Variants in FAM78B observed in about 807,000 individuals in gnomAD.
FAM78B encodes protein FAM78B.
FAM78B carries 10 observed loss-of-function variants against 20.0 expected under a neutral mutation model. That is an observed-to-expected ratio of 0.50 (90% CI 0.31 to 0.85). FAM78B has a LOEUF of 0.85. Among genes scored for constraint, FAM78B ranks in the 40% least tolerant of loss-of-function variants. FAM78B has a pLI of 0.05. For synonymous variants in FAM78B, 135 were observed against 132.8 expected (o/e 1.02, Z -0.12); for missense variants, 283 against 345.0 (o/e 0.82, Z 1.42).
intron 1 of FAM78B, among the ~76,000 whole-genome samples, chr1:166,150,954 A>G (rs1026387890): frequency 3.3e-5 from 5 of 152,130 alleles, no homozygotes; most frequent in Non-Finnish European, 7.3e-5. Context: ...ATTAAAATAT[A>G]TAATAGAGGT....
chr1:166,112,540 T>C (rs1428001244), intron 1 of FAM78B, among the ~76,000 whole-genome samples: 3 of 152,132 alleles, frequency 2.0e-5, no homozygotes, highest in Non-Finnish European at 4.4e-5. Flanking sequence ...AAGATACTAA[T>C]TCTTGGATTC....
intron 1 of FAM78B, among the ~76,000 whole-genome samples, chr1:166,079,085 C>T (rs535812881): frequency 2.0e-5 from 3 of 152,222 alleles, no homozygotes; most frequent in South Asian, 2.1e-4. Flanking sequence ...GCATGCACCA[C>T]CATGCCCAGC....
rs192022404 is a variant in FAM78B, at chr1:166,138,474, C to A, written c.263+27512G>T. ...TCATAAGAACAGCCCACTGCATCTACCTTATCTCTCTTTTTAGAGTGACAG... is the reference window on the plus strand; with the variant it reads ...TCATAAGAACAGCCCACTGCATCTAACTTATCTCTCTTTTTAGAGTGACAG... On this transcript the variant is annotated intron_variant, in intron 1 of 1. Coordinates refer to ENST00000354422, the MANE Select transcript of FAM78B (RefSeq NM_001017961.5). 3.7e-4 allele frequency among the ~76,000 whole-genome samples: 57 copies of A among 152,252 alleles called. No individual in the cohort carries two copies. The East Asian group carries it at 9.1e-3, about 24-fold the overall frequency.
intron 1 of FAM78B, among the ~76,000 whole-genome samples, chr1:166,156,031 T>G (rs1655878953): frequency 6.6e-6 from 1 of 152,196 alleles, no homozygotes; most frequent in African/African-American, 2.4e-5. Flanking sequence ...TGACTGCGGA[T>G]GCCGATTTAC....
intron 1 of FAM78B, among the ~76,000 whole-genome samples, chr1:166,083,605 A>C (rs1652668385): frequency 1.3e-5 from 2 of 152,170 alleles, no homozygotes; most frequent in South Asian, 4.1e-4. Context: ...CTTGGGTTCA[A>C]GTGCTTCTCC....
intron 1 of FAM78B, among the ~76,000 whole-genome samples, chr1:166,129,328 T>C (rs74118979): frequency 0.032 from 4,930 of 152,358 alleles, 249 homozygotes; most frequent in African/African-American, 0.11. Flanking sequence ...TTATAAAAAG[T>C]GCTTTGCACA....
intron 1 of FAM78B, among the ~76,000 whole-genome samples, chr1:166,096,181 C>G (rs1310864211): frequency 6.6e-6 from 1 of 152,224 alleles, no homozygotes; most frequent in East Asian, 1.9e-4. Flanking sequence ...CTGCTGTTCT[C>G]AGCAAATTTT....
chr1:166,101,900 A>G (rs1220527463), intron 1 of FAM78B, among the ~76,000 whole-genome samples: 1 of 152,276 alleles, frequency 6.6e-6, no homozygotes, highest in African/African-American at 2.4e-5. Flanking sequence ...TCCAAGACAC[A>G]TAATTGTCAG....
intron 1 of FAM78B, among the ~76,000 whole-genome samples, chr1:166,102,548 G>A (rs1033867372): frequency 6.6e-6 from 1 of 151,844 alleles, no homozygotes; most frequent in African/African-American, 2.4e-5. Flanking sequence ...AAAAGGCAGG[G>A]GTTGCAATCC....
In FAM78B at chr1:166,069,947, T is replaced by C. The variant is rs959548700; in HGVS notation, c.*294A>G. 2 of 1,094,830 alleles carry C rather than the reference T, an allele frequency of 1.8e-6. No homozygotes were observed. The highest frequency in any genetic ancestry group is 5.2e-5 in the East Asian group (1 of 19,370). 67.8% of individuals were successfully genotyped at this position (1,094,830 alleles called of 1,614,324 possible). A position where few individuals can be genotyped will look rare whatever the true frequency, so the allele number is the denominator to read the frequency against. ...CATCTCACAGGAAAGAAATGGTCAA[T>C]AGTTCAGATAAAAGAATCATCCTGG... On this transcript the variant is annotated 3_prime_UTR_variant, in exon 2 of 2. Coordinates refer to ENST00000354422, the MANE Select transcript of FAM78B (RefSeq NM_001017961.5).
exon 3 of FAM78B, chr1:166,060,659 G>A (rs980100453): frequency 3.1e-6 from 4 of 1,288,176 alleles, no homozygotes; most frequent in African/African-American, 3.0e-5. Context: ...GTCCTACTAG[G>A]AGACCTGTAT....
At chr1:166,105,567 A>G (rs1464276412) in intron 1 of FAM78B, among the ~76,000 whole-genome samples, 1 of 152,256 alleles carries the variant, frequency 6.6e-6, no homozygotes, top group East Asian at 1.9e-4. Flanking sequence ...ACACTTCTCA[A>G]AAGAAGACAT....
chr1:166,153,887 TAG>T (rs1557919863), intron 1 of FAM78B, among the ~76,000 whole-genome samples: 3 of 152,196 alleles, frequency 2.0e-5, no homozygotes, highest in African/African-American at 7.2e-5. Context: ...GGGTGTTGCC[TAG>T]ACCTGTTCCC....
chr1:166,107,505 A>T (rs1653832286), intron 1 of FAM78B, among the ~76,000 whole-genome samples: 1 of 152,164 alleles, frequency 6.6e-6, no homozygotes, highest in African/African-American at 2.4e-5. Context: ...ATGGTAATTT[A>T]AAAATTACCA....
chr1:166,156,009 T>C (rs992881805), intron 1 of FAM78B, among the ~76,000 whole-genome samples: 1 of 152,202 alleles, frequency 6.6e-6, no homozygotes, highest in Non-Finnish European at 1.5e-5. Flanking sequence ...TTCGGGATGC[T>C]GCAGAAAGTG....
At chr1:166,110,292 G>A (rs1654001824) in intron 1 of FAM78B, among the ~76,000 whole-genome samples, 1 of 151,780 alleles carries the variant, frequency 6.6e-6, no homozygotes, top group Admixed American at 6.6e-5. Context: ...AAAGAGAATG[G>A]GGATTTATCA....
At chr1:166,152,655 G>GATTGATTGATTTATTTATTTATTTATTT (rs369101683) in intron 1 of FAM78B, among the ~76,000 whole-genome samples, 1 of 140,474 alleles carries the variant, frequency 7.1e-6, no homozygotes, top group African/African-American at 2.9e-5. Context: ...TGGTACTCTG[G>GATTGATTGATTTATTTATTTATTTATTT]ATTTATTTAT....
chr1:166,124,156 T>C (rs564217863), intron 1 of FAM78B, among the ~76,000 whole-genome samples: 1 of 152,240 alleles, frequency 6.6e-6, no homozygotes, highest in Non-Finnish European at 1.5e-5. Flanking sequence ...TTTATGCTTC[T>C]ATGTCTGGCT....
intron 1 of FAM78B, among the ~76,000 whole-genome samples, chr1:166,163,709 A>C (rs1656247336): frequency 6.6e-6 from 1 of 152,232 alleles, no homozygotes; most frequent in South Asian, 2.1e-4. Flanking sequence ...TCCAGGCATA[A>C]ATATCTTGTG....
Sources: gnomAD v4.1 joint callset for allele counts (sites outside exome capture counted in the v4.1 genomes callset) on GRCh38, gnomAD v4.1.1 for gene constraint, MANE v1.5 for transcripts, NCBI Gene and HGNC (gene_info 2026-07-23, HGNC 2026-07-21) for gene names.